Variants in PER3 observed in about 807,000 individuals in gnomAD.
PER3 encodes period circadian protein homolog 3.
Under a neutral mutation model 127.2 loss-of-function variants are expected in PER3, and 107 were observed. The ratio of observed to expected loss-of-function variants is 0.84; its 90% CI spans 0.72 to 0.99. The LOEUF (loss-of-function observed/expected upper bound fraction) is 0.99, where lower values mean the gene tolerates loss of function less well. Ranked by LOEUF, PER3 falls within the 50% of genes least tolerant of loss-of-function variation. PER3 has a pLI of 0.00. For synonymous variants in PER3, 618 were observed against 585.8 expected, an observed-to-expected ratio of 1.05 and a Z score of -0.79; for missense variants, 1,560 against 1,525.8, an observed-to-expected ratio of 1.02 and a Z score of -0.37.
At chr1:7,812,002 A>G (rs1290103555) in intron 13 of PER3, among the ~76,000 whole-genome samples, 1 of 152,218 alleles carries the variant, frequency 6.6e-6, no homozygotes, top group Admixed American at 6.5e-5. Flanking sequence ...TATCTTAAAT[A>G]CAATTTTTAC....
chr1:7,796,336 T>G (rs901506081), intron 6 of PER3, among the ~76,000 whole-genome samples: 1 of 149,312 alleles, frequency 6.7e-6, no homozygotes, highest in Non-Finnish European at 1.5e-5. Flanking sequence ...TTTTTTTTTT[T>G]GAGACAGGAT....
At chr1:7,831,165 A>G (rs1381021841) in intron 19 of PER3, among the ~76,000 whole-genome samples, 1 of 152,164 alleles carries the variant, frequency 6.6e-6, no homozygotes, top group Admixed American at 6.5e-5. Context: ...TCAGCCTACA[A>G]CCCTTACATA....
intron 21 of PER3, among the ~76,000 whole-genome samples, chr1:7,842,185 A>G (rs529396924): frequency 1.1e-3 from 161 of 152,174 alleles, no homozygotes; most frequent in Non-Finnish European, 2.0e-3. Flanking sequence ...CTGTATTTAA[A>G]CAATTTGTCA....
intron 3 of PER3, 49 bp downstream of exon 3, chr1:7,785,635 T>C (rs228729): frequency 0.67 from 1,029,327 of 1,539,780 alleles, 346,397 homozygotes; most frequent in Admixed American, 0.79. Context: ...CCAGGACTCA[T>C]ACAAGCAGCC....
chr1:7,806,812 A>AAAAATATATAT lies in PER3; in HGVS notation c.1137-2080_1137-2079insAAATATATATA, dbSNP rs61141023. ...CTGTCTCTTAAAAAAAAAAAAAAAA[A>AAAAATATATAT]ATATATATATATATATATATATATT... On this transcript the variant is annotated intron_variant, in intron 10 of 21. Transcript: ENST00000377532. Among the ~76,000 whole-genome samples, 215 of 60,586 alleles carry AAAAATATATAT rather than the reference A, an allele frequency of 3.5e-3. 4 individuals carry two copies. Among genetic ancestry groups the AAAAATATATAT allele is most frequent in the African/African-American group, 0.014 (205 of 14,624 alleles). 39.7% of individuals were successfully genotyped at this position (60,586 alleles called of 152,430 possible). A position where few individuals can be genotyped will look rare whatever the true frequency, so the allele number is the denominator to read the frequency against.
intron 19 of PER3, among the ~76,000 whole-genome samples, chr1:7,830,896 G>C (rs228665): frequency 0.68 from 103,551 of 152,050 alleles, 35,642 homozygotes; most frequent in East Asian, 0.85. Flanking sequence ...GTCTTGAAGC[G>C]TGGTGAAGTA....
chr1:7,788,940 C>T (rs1482450286), intron 5 of PER3, among the ~76,000 whole-genome samples: 2 of 151,122 alleles, frequency 1.3e-5, no homozygotes, highest in Non-Finnish European at 2.9e-5. Flanking sequence ...ATCATTAGCT[C>T]TCTTACAGTT....
At chr1:7,814,602 A>C (rs1052346217) in intron 13 of PER3, among the ~76,000 whole-genome samples, 1 of 152,242 alleles carries the variant, frequency 6.6e-6, no homozygotes, top group Non-Finnish European at 1.5e-5. Flanking sequence ...AAAGAGTATG[A>C]TACCAGACCA....
chr1:7,826,981 T>C lies in PER3; in HGVS notation c.2189-137T>C. 1 of 701,980 alleles carries C rather than the reference T, an allele frequency of 1.4e-6. No individual in the cohort carries two copies. Among genetic ancestry groups the C allele is most frequent in the Non-Finnish European group, 2.4e-6 (1 of 422,472 alleles). 43.5% of individuals were successfully genotyped at this position (701,980 alleles called of 1,614,324 possible). A position where few individuals can be genotyped will look rare whatever the true frequency, so the allele number is the denominator to read the frequency against. Reference sequence around the variant, plus strand: ...TTTATCCGGAATTTTGTTCATCTTTTTAGAGCCACTTTTTGTCATTCTGGT... The same window carrying C: ...TTTATCCGGAATTTTGTTCATCTTTCTAGAGCCACTTTTTGTCATTCTGGT... On this transcript the variant is annotated intron_variant, in intron 17 of 21. Coordinates refer to ENST00000377532, the MANE Select transcript of PER3 (RefSeq NM_001377275.1). This position sits in a 1 kb window ranked among gnomAD's most constrained non-coding sequence, Gnocchi z 4.2.
At chr1:7,836,743 C>T in intron 20 of PER3, 1 of 297,296 alleles carries the variant, frequency 3.4e-6, no homozygotes. Flanking sequence ...GATTTTTTTG[C>T]CCCTTCTAAA....
Position 7,820,199 on chromosome 1 carries a change from CA to C in PER3, c.1746del (p.Lys582AsnfsTer33). Reference protein sequence around the residue: ...NTTSSSSEEDKQNHKADDVQA... With the variant: ...NTTSSSSEEDXQNHKADDVQA... ...CAACTTCTTCCTCCTCAGAAGAAGA[CA>C]AACAGAACCACAAGGCAGATGATGT... On this transcript the variant is annotated frameshift_variant, in exon 15 of 22. Coordinates refer to ENST00000377532, the MANE Select transcript of PER3 (RefSeq NM_001377275.1). LOFTEE classifies it high-confidence loss of function. 2 of 1,613,588 alleles carry C rather than the reference CA, an allele frequency of 1.2e-6. No individual in the cohort carries two copies. The highest frequency in any genetic ancestry group is 1.7e-6 in the Non-Finnish European group (2 of 1,179,554).
chr1:7,835,884 A>G lies in PER3; in HGVS notation c.3337A>G (p.Ile1113Val). 4 of 1,611,902 alleles carry G rather than the reference A, an allele frequency of 2.5e-6. No individual in the cohort carries two copies. Among genetic ancestry groups the G allele is most frequent in the South Asian group, 1.1e-5 (1 of 91,054 alleles). Residue 1113 changes from isoleucine (I) to valine (V), a missense_variant, in exon 20 of 22, where the codon ATC becomes GTC. By Grantham distance (29) the Ile-to-Val change is conservative. This residue lies in a region of PER3 where 199 missense variants were observed against 198.6 expected (regional missense o/e 1.00). Transcript: ENST00000377532. The part of the protein sequence containing the change: ...ETFPNVAEEP[I>V]WRMIRQTPER... ...ATTTCCTAATGTCGCCGAAGAGCCC[A>G]TCTGGAGAATGATACGGCAGACACC...
Position 7,835,880 on chromosome 1 carries a change from G to T in PER3, c.3333G>T (p.Glu1111Asp), listed in dbSNP as rs1215952433. The change falls in exon 20 of 22, where the codon GAG (glutamate) becomes GAT (aspartate). Residue 1111 changes from glutamate to aspartate, a missense_variant. Physicochemically the swap from Glu to Asp is conservative, Grantham distance 45. This residue lies in a region of PER3 where 199 missense variants were observed against 198.6 expected (regional missense o/e 1.00). Coordinates refer to ENST00000377532, the MANE Select transcript of PER3 (RefSeq NM_001377275.1). ...KKETFPNVAE[E>D]PIWRMIRQTP... Reference sequence around the variant, plus strand: ...AAACATTTCCTAATGTCGCCGAAGAGCCCATCTGGAGAATGATACGGCAGA... The same window carrying T: ...AAACATTTCCTAATGTCGCCGAAGATCCCATCTGGAGAATGATACGGCAGA... 1 of 1,611,978 alleles carries T rather than the reference G, an allele frequency of 6.2e-7. No individual in the cohort carries two copies. The highest frequency in any genetic ancestry group is 1.3e-5 in the African/African-American group (1 of 75,018).
At chr1:7,787,201 CA>C in intron 4 of PER3, 1 of 757,428 alleles carries the variant, frequency 1.3e-6, no homozygotes, top group Non-Finnish European at 1.6e-6. Context: ...TTCTTAGTTC[CA>C]ATACCTACTA....
chr1:7,819,234 T>G, intron 13 of PER3, 51 bp from the exon 14 acceptor site: 1 of 1,537,494 alleles, frequency 6.5e-7, no homozygotes, highest in Non-Finnish European at 8.9e-7. Flanking sequence ...GTATATGTTC[T>G]TAATTACATG....
At chr1:7,837,192 G>C in intron 21 of PER3, 43 bp downstream of exon 21, 1 of 1,552,176 alleles carries the variant, frequency 6.4e-7, no homozygotes, top group Non-Finnish European at 8.8e-7. Context: ...ATGTATTTTG[G>C]CCAGGTAGTG....
At chr1:7,800,095 G>A (rs2097163822) in intron 7 of PER3, among the ~76,000 whole-genome samples, 1 of 151,888 alleles carries the variant, frequency 6.6e-6, no homozygotes, top group African/African-American at 2.4e-5. Context: ...TTTGTAAGTG[G>A]TTCCTTTGAA....
chr1:7,819,208 T>C, intron 13 of PER3, 77 bp from the exon 14 acceptor site: 1 of 1,310,566 alleles, frequency 7.6e-7, no homozygotes, highest in Non-Finnish European at 1.1e-6. Context: ...TGCCATGATT[T>C]AATTTTGGTA....
Position 7,843,928 on chromosome 1 carries a change from A to G in PER3, c.*1173A>G. The stretch of plus-strand genomic sequence containing the variant: ...GTCCCTGATTCCTTCTTAAACTTGG[A>G]ATGATAGATGAAATTCACACCCCTG... On this transcript the variant is annotated 3_prime_UTR_variant, in exon 22 of 22. Transcript: ENST00000377532. The G allele has an allele frequency of 7.8e-7, 1 of 1,283,786 alleles. No individual in the cohort carries two copies. Among genetic ancestry groups the G allele is most frequent in the East Asian group, 5.8e-5 (1 of 17,104 alleles). The allele number at this position is 1,283,786 out of a possible 1,614,324, so 79.5% of individuals were successfully genotyped here. A position where few individuals can be genotyped will look rare whatever the true frequency, so the allele number is the denominator to read the frequency against.
Sources: gnomAD v4.1 joint callset for allele counts (sites outside exome capture counted in the v4.1 genomes callset) on GRCh38, gnomAD v4.1.1 for gene constraint, gnomAD v4.1.1 regional missense constraint, Gnocchi (gnomAD v3.1) non-coding constraint, MANE v1.5 for transcripts, NCBI Gene and HGNC (gene_info 2026-07-23, HGNC 2026-07-21) for gene names.